The following CACNG3 variants were observed in gnomAD, a reference collection of about 807,000 sequenced individuals.
CACNG3 encodes calcium voltage-gated channel auxiliary subunit gamma 3, also known as voltage-dependent calcium channel gamma-3 subunit.
In CACNG3, 3 loss-of-function variants were observed where a neutral mutation model predicts 28.5. That is an observed-to-expected ratio of 0.11 (90% CI 0.05 to 0.27). The LOEUF is 0.27. CACNG3 is among the 10% of genes least tolerant of loss of function. The pLI is 1.00. For missense variants in CACNG3, 236 were observed against 414.4 expected, an observed-to-expected ratio of 0.57 and a Z score of 3.74; for synonymous variants, 174 against 162.2, an observed-to-expected ratio of 1.07 and a Z score of -0.55.
chr16:24,314,157 G>A (rs796409642), intron 1 of CACNG3, among the ~76,000 whole-genome samples: 6 of 152,274 alleles, frequency 3.9e-5, no homozygotes, highest in Admixed American at 1.3e-4. Context: ...TTTTCCTCAA[G>A]GTATGCTTGT....
At chr16:24,358,269 G>A (rs1350880091) in intron 3 of CACNG3, among the ~76,000 whole-genome samples, 1 of 152,256 alleles carries the variant, frequency 6.6e-6, no homozygotes, top group Non-Finnish European at 1.5e-5. Flanking sequence ...TCTGAAGTCA[G>A]GCTGCCTGGC....
At chr16:24,274,614 G>A (rs1228810637) in intron 1 of CACNG3, among the ~76,000 whole-genome samples, 2 of 152,062 alleles carry the variant, frequency 1.3e-5, no homozygotes, top group African/African-American at 4.8e-5. Flanking sequence ...CCCTACCATG[G>A]AACAAGATTT....
chr16:24,279,757 G>A (rs1207069301), intron 1 of CACNG3, among the ~76,000 whole-genome samples: 1 of 152,186 alleles, frequency 6.6e-6, no homozygotes, highest in African/African-American at 2.4e-5. Flanking sequence ...TGCATGTAAA[G>A]GTAAGAGAGA....
intron 1 of CACNG3, among the ~76,000 whole-genome samples, chr16:24,279,588 A>T (rs1898793584): frequency 6.6e-6 from 1 of 152,162 alleles, no homozygotes; most frequent in South Asian, 2.1e-4. Flanking sequence ...TACAAGGGTG[A>T]CCCAGTTCGC....
chr16:24,316,888 C>A (rs1424151742), intron 1 of CACNG3, among the ~76,000 whole-genome samples: 1 of 152,236 alleles, frequency 6.6e-6, no homozygotes, highest in African/African-American at 2.4e-5. Flanking sequence ...TCCAGCCTTG[C>A]TGCTTGGCTG....
intron 1 of CACNG3, among the ~76,000 whole-genome samples, chr16:24,264,085 G>A (rs1457929211): frequency 2.0e-5 from 3 of 152,264 alleles, no homozygotes; most frequent in African/African-American, 7.2e-5. Flanking sequence ...TTCTGTGTGT[G>A]GATTGGATCT....
intron 1 of CACNG3, among the ~76,000 whole-genome samples, chr16:24,313,072 G>GAA (rs1223967255): frequency 2.6e-4 from 37 of 141,104 alleles, no homozygotes; most frequent in African/African-American, 5.4e-4. Flanking sequence ...AGCGAGGGAG[G>GAA]GAGGAAGGAA....
At chr16:24,280,451 A>G (rs1454809022) in intron 1 of CACNG3, among the ~76,000 whole-genome samples, 1 of 152,148 alleles carries the variant, frequency 6.6e-6, no homozygotes, top group Admixed American at 6.5e-5. Flanking sequence ...AAGGATCGTC[A>G]TTTCTAATTG....
chr16:24,269,429 T>C (rs1056829633), intron 1 of CACNG3, among the ~76,000 whole-genome samples: 5 of 152,090 alleles, frequency 3.3e-5, no homozygotes, highest in African/African-American at 1.2e-4. Context: ...TTCAGCAGCC[T>C]GTAGTTTGAG....
intron 3 of CACNG3, among the ~76,000 whole-genome samples, chr16:24,356,951 C>T (rs1312456292): frequency 6.6e-6 from 1 of 151,842 alleles, no homozygotes; most frequent in Non-Finnish European, 1.5e-5. Context: ...AAGAGAACTC[C>T]CCTTTATAAA....
chr16:24,310,083 G>A (rs79641357), intron 1 of CACNG3, among the ~76,000 whole-genome samples: 4,989 of 152,254 alleles, frequency 0.033, 285 homozygotes, highest in African/African-American at 0.11. Flanking sequence ...GAGATTGCTG[G>A]GGCCATCCAG....
At chr16:24,269,746 C>CAAAAAAAAAAAA (rs1163565728) in intron 1 of CACNG3, among the ~76,000 whole-genome samples, 12 of 71,072 alleles carry the variant, frequency 1.7e-4, no homozygotes, top group East Asian at 1.2e-3. Context: ...GACTCCATCT[C>CAAAAAAAAAAAA]AAAAAAAAAA....
chr16:24,311,021 G>A (rs1278901017), intron 1 of CACNG3, among the ~76,000 whole-genome samples: 1 of 152,180 alleles, frequency 6.6e-6, no homozygotes, highest in African/African-American at 2.4e-5. Context: ...TTTCCATGTT[G>A]GGAAGCAGGA....
chr16:24,260,978 T>C (rs1185230770), intron 1 of CACNG3, among the ~76,000 whole-genome samples: 3 of 152,144 alleles, frequency 2.0e-5, no homozygotes, highest in African/African-American at 4.8e-5. Flanking sequence ...ATCAAAGCAA[T>C]GTATTTAGAT....
At chr16:24,336,813 G>GTTGTT (rs1249798793) in intron 1 of CACNG3, among the ~76,000 whole-genome samples, 2 of 151,810 alleles carry the variant, frequency 1.3e-5, no homozygotes, top group African/African-American at 4.8e-5. Flanking sequence ...TGTTGTTGTT[G>GTTGTT]TTGTTTTGTT....
intron 1 of CACNG3, among the ~76,000 whole-genome samples, chr16:24,317,579 AAAG>A (rs1899373282): frequency 4.9e-5 from 3 of 61,268 alleles, no homozygotes; most frequent in Non-Finnish European, 8.9e-5. Flanking sequence ...AGAAAGAAAG[AAAG>A]AAAGAAAGAA....
chr16:24,326,325 G>GTAGGCCCGGCTCATTTTGTATTTTTAGTA, intron 1 of CACNG3, among the ~76,000 whole-genome samples: 1 of 151,948 alleles, frequency 6.6e-6, no homozygotes, highest in Non-Finnish European at 1.5e-5. Flanking sequence ...GCATGCGCCA[G>GTAGGCCCGGCTCATTTTGTATTTTTAGTA]TAGGCCCGGC....
intron 1 of CACNG3, among the ~76,000 whole-genome samples, chr16:24,340,939 C>A (rs1899778473): frequency 6.6e-6 from 1 of 152,244 alleles, no homozygotes. Context: ...TTCTACCTCT[C>A]TCTGCTCCAA....
intron 2 of CACNG3, among the ~76,000 whole-genome samples, chr16:24,354,471 A>T (rs1900002104): frequency 6.6e-6 from 1 of 152,026 alleles, no homozygotes; most frequent in Non-Finnish European, 1.5e-5. Flanking sequence ...TTTTCCAGGG[A>T]GGCAGGGAGG....
Sources: allele counts gnomAD v4.1 joint callset (sites outside exome capture counted in the v4.1 genomes callset), GRCh38; gene constraint gnomAD v4.1.1; transcripts MANE v1.5; gene names NCBI Gene and HGNC (gene_info 2026-07-23, HGNC 2026-07-21).